Variants in CTNNA2 observed in about 807,000 individuals in gnomAD.
CTNNA2 encodes the protein catenin alpha 2.
CTNNA2 carries 42 observed loss-of-function variants against 101.0 expected under a neutral mutation model. The ratio of observed to expected loss-of-function variants is 0.42; its 90% CI spans 0.32 to 0.54. The LOEUF (loss-of-function observed/expected upper bound fraction) is 0.54. Ranked by LOEUF, CTNNA2 falls within the 20% of genes least tolerant of loss-of-function variation. The pLI is 0.14. For missense variants in CTNNA2, 871 were observed against 1,223.1 expected (o/e 0.71, Z 4.29); for synonymous variants, 450 against 456.4 (o/e 0.99, Z 0.18).
intron 2 of CTNNA2, among the ~76,000 whole-genome samples, chr2:79,663,870 T>G (rs1682214242): frequency 6.6e-6 from 1 of 152,240 alleles, no homozygotes; most frequent in African/African-American, 2.4e-5. Context: ...TGTTGAACGA[T>G]TAAATAAACC....
At chr2:80,357,312 T>A (rs1003700247) in intron 7 of CTNNA2, among the ~76,000 whole-genome samples, 2 of 151,238 alleles carry the variant, frequency 1.3e-5, no homozygotes, top group African/African-American at 4.9e-5. Flanking sequence ...AGGAAAATAG[T>A]CAAAAGGGGA....
chr2:79,979,483 G>A (rs956226102), intron 7 of CTNNA2, among the ~76,000 whole-genome samples: 3 of 152,130 alleles, frequency 2.0e-5, no homozygotes, highest in East Asian at 1.9e-4. Context: ...TTCTTGATTG[G>A]TTGGTTGCTT....
intron 3 of CTNNA2, among the ~76,000 whole-genome samples, chr2:79,845,028 AT>A (rs1422203673): frequency 1.5e-4 from 20 of 130,234 alleles, no homozygotes; most frequent in Non-Finnish European, 2.9e-4. Flanking sequence ...CTGTATATAC[AT>A]TGTGTATATA....
Position 80,302,225 on chromosome 2 carries a change from G to C in CTNNA2, c.1057-90986G>C. On this transcript the variant is annotated intron_variant, in intron 7 of 18. Coordinates refer to ENST00000402739, the MANE Select transcript of CTNNA2 (RefSeq NM_001282597.3). The surrounding 1 kb of genome is among the most constrained non-coding windows in gnomAD (Gnocchi z 6.4). ...CGGCTGCCCAGGCGTATTTGGTAGC[G>C]CATGGGTTGAGAGCCACTGGGACAA... The C allele has an allele frequency of 1.9e-6, 3 of 1,599,678 alleles. No individual in the cohort carries two copies. The highest frequency in any genetic ancestry group is 1.1e-5 in the South Asian group (1 of 88,494).
chr2:80,293,772 C>T (rs1446111), intron 7 of CTNNA2, among the ~76,000 whole-genome samples: 82,433 of 151,956 alleles, frequency 0.54, 23,474 homozygotes, highest in African/African-American at 0.74. Context: ...GGCAAATCTG[C>T]GGATGCAGTG....
intron 4 of CTNNA2, among the ~76,000 whole-genome samples, chr2:79,437,176 A>G (rs1379093602): frequency 6.6e-6 from 1 of 151,716 alleles, no homozygotes; most frequent in Non-Finnish European, 1.5e-5. Flanking sequence ...AGTGGTTGCA[A>G]TGAGCCATGA....
At chr2:79,647,733 A>G (rs931031018) in intron 1 of CTNNA2, among the ~76,000 whole-genome samples, 9 of 152,204 alleles carry the variant, frequency 5.9e-5, no homozygotes, top group Admixed American at 1.3e-4. Context: ...TTGCTGATTA[A>G]TAGTTAATGG....
intron 2 of CTNNA2, among the ~76,000 whole-genome samples, chr2:79,711,275 G>A (rs1425788907): frequency 6.6e-6 from 1 of 152,144 alleles, no homozygotes; most frequent in Admixed American, 6.6e-5. Flanking sequence ...CAAGACTATT[G>A]TTGACACTGC....
chr2:80,619,662 G>A (rs141965861), intron 18 of CTNNA2, among the ~76,000 whole-genome samples: 3 of 151,936 alleles, frequency 2.0e-5, no homozygotes, highest in Admixed American at 2.0e-4. Context: ...AAACTGTGGA[G>A]GTTAAAATGT....
chr2:79,207,880 T>C (rs1200794130), intron 2 of CTNNA2, among the ~76,000 whole-genome samples: 1 of 152,216 alleles, frequency 6.6e-6, no homozygotes, highest in Admixed American at 6.5e-5. Flanking sequence ...TTTGCAAGAT[T>C]TTCCTTTGGA....
intron 2 of CTNNA2, among the ~76,000 whole-genome samples, chr2:79,735,512 C>T (rs990139266): frequency 6.6e-6 from 1 of 152,146 alleles, no homozygotes; most frequent in Non-Finnish European, 1.5e-5. Context: ...ATAAAAATAT[C>T]TCACCCAATC....
chr2:79,733,310 A>T (rs532773933), intron 2 of CTNNA2, among the ~76,000 whole-genome samples: 1 of 152,274 alleles, frequency 6.6e-6, no homozygotes, highest in East Asian at 1.9e-4. Flanking sequence ...TTAACTTCTC[A>T]GCTCTGATGA....
At chr2:79,789,989 A>T (rs6755157) in intron 3 of CTNNA2, among the ~76,000 whole-genome samples, 1 of 151,990 alleles carries the variant, frequency 6.6e-6, no homozygotes, top group African/African-American at 2.4e-5. Flanking sequence ...TCAGCCAATT[A>T]GAAAAACAGA....
intron 18 of CTNNA2, among the ~76,000 whole-genome samples, chr2:80,631,061 G>A (rs1000578943): frequency 5.9e-5 from 9 of 152,164 alleles, no homozygotes; most frequent in African/African-American, 1.9e-4. Flanking sequence ...ATCAGATAAA[G>A]GAATAATGAT....
intron 7 of CTNNA2, among the ~76,000 whole-genome samples, chr2:80,257,325 A>C (rs1455635259): frequency 6.6e-6 from 1 of 152,268 alleles, no homozygotes; most frequent in East Asian, 1.9e-4. Context: ...AAGTCACTCT[A>C]TATTGGCTGT....
intron 7 of CTNNA2, among the ~76,000 whole-genome samples, chr2:80,355,303 G>A (rs529887407): frequency 3.0e-4 from 45 of 152,276 alleles, no homozygotes; most frequent in Middle Eastern, 3.4e-3. Flanking sequence ...TGAGATGTAA[G>A]CAGAAGCCAT....
At chr2:80,508,574 T>C (rs1433832113) in intron 9 of CTNNA2, among the ~76,000 whole-genome samples, 3 of 151,906 alleles carry the variant, frequency 2.0e-5, no homozygotes, top group Admixed American at 2.0e-4. Context: ...ATATGGACTC[T>C]CTCTAGTCTA....
chr2:80,342,531 T>C (rs564218975), intron 7 of CTNNA2, among the ~76,000 whole-genome samples: 2 of 152,246 alleles, frequency 1.3e-5, no homozygotes, highest in African/African-American at 2.4e-5. Flanking sequence ...ATTACAATGA[T>C]AGATTTTATT....
chr2:80,240,329 C>G (rs1340524003), intron 7 of CTNNA2, among the ~76,000 whole-genome samples: 2 of 152,204 alleles, frequency 1.3e-5, no homozygotes, highest in Non-Finnish European at 2.9e-5. Flanking sequence ...TTGAACTCAA[C>G]CCAGATTTGA....
Sources: allele counts gnomAD v4.1 joint callset (sites outside exome capture counted in the v4.1 genomes callset), GRCh38; gene constraint gnomAD v4.1.1; non-coding constraint Gnocchi (gnomAD v3.1); transcripts MANE v1.5; gene names NCBI Gene and HGNC (gene_info 2026-07-23, HGNC 2026-07-21).